AGFG1: variants seen among roughly 807,000 people sequenced by gnomAD.
The protein encoded by AGFG1 is ArfGAP with FG repeats 1.
Under a neutral mutation model 60.6 loss-of-function variants are expected in AGFG1, and 10 were observed. That is an observed-to-expected ratio of 0.16 (90% CI 0.10 to 0.28). AGFG1 has a LOEUF of 0.28. Ranked by LOEUF, AGFG1 falls within the 10% of genes least tolerant of loss-of-function variation. The probability of loss-of-function intolerance (pLI) is 1.00; values close to 1 mark genes in which losing one functional copy is unlikely to be tolerated. For missense variants in AGFG1, 537 were observed against 676.5 expected, an observed-to-expected ratio of 0.79 and a Z score of 2.29; for synonymous variants, 247 against 242.9, an observed-to-expected ratio of 1.02 and a Z score of -0.16.
intron 1 of AGFG1, among the ~76,000 whole-genome samples, chr2:227,478,670 T>C (rs1219376578): frequency 7.2e-5 from 11 of 152,188 alleles, no homozygotes. Context: ...ATACAACTGT[T>C]AATTTGCTGG....
At chr2:227,514,096 C>T (rs1177308443) in intron 2 of AGFG1, among the ~76,000 whole-genome samples, 1 of 152,198 alleles carries the variant, frequency 6.6e-6, no homozygotes, top group Admixed American at 6.5e-5. Flanking sequence ...AGATCTACAG[C>T]TTCCTGTATT....
intron 2 of AGFG1, among the ~76,000 whole-genome samples, chr2:227,513,733 G>A (rs1475878167): frequency 1.3e-5 from 2 of 152,208 alleles, no homozygotes; most frequent in South Asian, 2.1e-4. Flanking sequence ...GCTTTAACAT[G>A]TTTTAGATTC....
chr2:227,532,159 G>T, intron 6 of AGFG1: 1 of 1,547,318 alleles, frequency 6.5e-7, no homozygotes. Flanking sequence ...CTTTCATCTA[G>T]CTGCAGTTTT....
At position 227,560,436 on chromosome 2, in the gene AGFG1, C is replaced by CTAAT. The variant is rs5839217; in HGVS notation, c.*5942_*5943insAATT. ...CATTTAAAGAAGAAAAAAAATCTCT[C>CTAAT]TGACTATCTGAAGATATATGAAAAA... On this transcript the variant is annotated 3_prime_UTR_variant, in exon 13 of 13. Transcript: ENST00000310078. 109,452 of 151,316 alleles carry CTAAT rather than the reference C, an allele frequency of 0.72. 39,614 individuals carry two copies. The highest frequency in any genetic ancestry group is 0.8 in the South Asian group (3,827 of 4,808). The allele number at this position is 151,316 out of a possible 1,614,324, so 9.4% of individuals were successfully genotyped here.
chr2:227,533,418 G>T (rs887799564), intron 6 of AGFG1, 131 bp from the exon 7 acceptor site: 7 of 817,512 alleles, frequency 8.6e-6, no homozygotes, highest in Non-Finnish European at 1.3e-5. Flanking sequence ...AAAAGCCATT[G>T]CCAGTCATTG....
intron 2 of AGFG1, among the ~76,000 whole-genome samples, chr2:227,494,592 A>T (rs1275532502): frequency 6.6e-6 from 1 of 152,182 alleles, no homozygotes; most frequent in Admixed American, 6.5e-5. Context: ...CACTATTGGA[A>T]GATGTTGCTG....
intron 1 of AGFG1, among the ~76,000 whole-genome samples, chr2:227,487,284 T>C (rs1341814459): frequency 1.3e-5 from 2 of 152,142 alleles, no homozygotes; most frequent in African/African-American, 2.4e-5. Context: ...ATCTTTATTA[T>C]AGAAAACTTG....
intron 1 of AGFG1, among the ~76,000 whole-genome samples, chr2:227,490,502 C>A (rs906692780): frequency 2.7e-5 from 4 of 149,578 alleles, no homozygotes; most frequent in Non-Finnish European, 5.9e-5. Context: ...GGCGTGAACC[C>A]GGGAGGTGGA....
At chr2:227,485,146 A>G (rs976985896) in intron 1 of AGFG1, among the ~76,000 whole-genome samples, 6 of 151,710 alleles carry the variant, frequency 4.0e-5, no homozygotes, top group African/African-American at 7.3e-5. Context: ...TCTCCCTTCC[A>G]TTGAGAAGTC....
intron 2 of AGFG1, among the ~76,000 whole-genome samples, chr2:227,509,260 T>C (rs1227891172): frequency 1.3e-5 from 2 of 152,138 alleles, no homozygotes; most frequent in African/African-American, 4.8e-5. Flanking sequence ...TACGTAACTT[T>C]AATTTAATCA....
Position 227,558,060 on chromosome 2 carries a change from C to G in AGFG1, c.*3565C>G, listed in dbSNP as rs1325260555. The G allele has an allele frequency of 6.6e-6, 1 of 152,124 alleles. No homozygotes were observed. The highest frequency in any genetic ancestry group is 1.5e-5 in the Non-Finnish European group (1 of 68,016). The allele number at this position is 152,124 out of a possible 1,614,324, so 9.4% of individuals were successfully genotyped here. A position where few individuals can be genotyped will look rare whatever the true frequency, so the allele number is the denominator to read the frequency against. ...AGAACTGAAATTGCAGACTTTTTAA[C>G]ACTACTTCAAGGTAATAATAGCAGT... On this transcript the variant is annotated 3_prime_UTR_variant, in exon 13 of 13. Coordinates refer to ENST00000310078, the MANE Select transcript of AGFG1 (RefSeq NM_004504.5).
chr2:227,504,227 G>A (rs1691246080), intron 2 of AGFG1, among the ~76,000 whole-genome samples: 3 of 146,716 alleles, frequency 2.0e-5, no homozygotes, highest in East Asian at 2.0e-4. Flanking sequence ...CTCAACTTCC[G>A]TCACTCCCGG....
chr2:227,537,508 G>C (rs1028645568), intron 10 of AGFG1, among the ~76,000 whole-genome samples: 1 of 152,122 alleles, frequency 6.6e-6, no homozygotes, highest in Non-Finnish European at 1.5e-5. Flanking sequence ...GTGGAAACTT[G>C]ATTCAGTCGT....
rs1003519887 is a variant in AGFG1 at position 227,557,843 on chromosome 2, C to T, written c.*3348C>T. 1 of 152,158 alleles carries T rather than the reference C, an allele frequency of 6.6e-6. No individual in the cohort carries two copies. Among genetic ancestry groups the T allele is most frequent in the African/African-American group, 2.4e-5 (1 of 41,442 alleles). 9.4% of individuals were successfully genotyped at this position (152,158 alleles called of 1,614,324 possible). A position where few individuals can be genotyped will look rare whatever the true frequency, so the allele number is the denominator to read the frequency against. ...ACTTGTGAGATCAGGAGAATGAAAA[C>T]TATGTAATATCTCAGTAGTACAATG... On this transcript the variant is annotated 3_prime_UTR_variant, in exon 13 of 13. Coordinates refer to ENST00000310078, the MANE Select transcript of AGFG1 (RefSeq NM_004504.5).
At chr2:227,542,148 T>C (rs1364188408) in intron 10 of AGFG1, among the ~76,000 whole-genome samples, 3 of 152,190 alleles carry the variant, frequency 2.0e-5, no homozygotes, top group African/African-American at 7.2e-5. Flanking sequence ...TGAATACCCG[T>C]TATTTTTTTC....
intron 10 of AGFG1, among the ~76,000 whole-genome samples, chr2:227,541,992 C>T (rs947192162): frequency 1.3e-5 from 2 of 152,114 alleles, no homozygotes; most frequent in African/African-American, 4.8e-5. Flanking sequence ...ATTTGGCTCT[C>T]TGTCTGTTAT....
At chr2:227,507,130 T>C (rs1691338471) in intron 2 of AGFG1, among the ~76,000 whole-genome samples, 2 of 152,156 alleles carry the variant, frequency 1.3e-5, no homozygotes, top group Admixed American at 6.5e-5. Context: ...GTTTGGGACT[T>C]GTAAGGGATC....
chr2:227,506,975 A>G (rs1399379735), intron 2 of AGFG1, among the ~76,000 whole-genome samples: 2 of 152,104 alleles, frequency 1.3e-5, no homozygotes, highest in African/African-American at 2.4e-5. Context: ...CCACTATTTC[A>G]TAGGTTGTGT....
At chr2:227,541,763 T>C (rs566434851) in intron 10 of AGFG1, among the ~76,000 whole-genome samples, 2,452 of 152,304 alleles carry the variant, frequency 0.016, 29 homozygotes, top group Non-Finnish European at 0.025. Flanking sequence ...GGGGATGGCA[T>C]TGAATCTATA....
Sources: gnomAD v4.1 joint callset for allele counts (sites outside exome capture counted in the v4.1 genomes callset) on GRCh38, gnomAD v4.1.1 for gene constraint, MANE v1.5 for transcripts, NCBI Gene and HGNC (gene_info 2026-07-23, HGNC 2026-07-21) for gene names.